Variants in KHDRBS2 observed in about 807,000 individuals in gnomAD.
The protein encoded by KHDRBS2 is KH domain-containing, RNA-binding, signal transduction-associated protein 2.
In KHDRBS2, 26 loss-of-function variants were observed where a neutral mutation model predicts 44.3. That is an observed-to-expected ratio of 0.59 (90% confidence interval 0.43 to 0.81). The LOEUF (loss-of-function observed/expected upper bound fraction) is 0.81. KHDRBS2 is among the 40% of genes least tolerant of loss of function. The probability of loss-of-function intolerance (pLI) is 0.00; values close to 1 mark genes in which losing one functional copy is unlikely to be tolerated. For missense variants in KHDRBS2, 476 were observed against 433.1 expected, an observed-to-expected ratio of 1.10 and a Z score of -0.88; for synonymous variants, 194 against 151.1, an observed-to-expected ratio of 1.28 and a Z score of -2.08.
chr6:61,923,443 A>G (rs1808413170), intron 4 of KHDRBS2, among the ~76,000 whole-genome samples: 1 of 151,974 alleles, frequency 6.6e-6, no homozygotes. Flanking sequence ...TGTAGTGGAT[A>G]CTTCAAATAA....
intron 4 of KHDRBS2, among the ~76,000 whole-genome samples, chr6:61,940,697 C>G (rs1446065222): frequency 6.6e-6 from 1 of 152,140 alleles, no homozygotes; most frequent in East Asian, 1.9e-4. Flanking sequence ...CCCAGTGATG[C>G]CAGGTCTGAG....
intron 1 of KHDRBS2, among the ~76,000 whole-genome samples, chr6:62,179,426 T>C (rs1821806945): frequency 6.6e-6 from 1 of 151,738 alleles, no homozygotes; most frequent in African/African-American, 2.4e-5. Context: ...AAAATCACTT[T>C]ATTCCAACCT....
intron 1 of KHDRBS2, among the ~76,000 whole-genome samples, chr6:62,261,923 G>C (rs1472926191): frequency 6.6e-6 from 1 of 151,678 alleles, no homozygotes; most frequent in Non-Finnish European, 1.5e-5. Flanking sequence ...ATACATGAGC[G>C]TATACCTGGT....
chr6:61,784,215 T>C lies in KHDRBS2; in HGVS notation c.811-51451A>G, dbSNP rs1240791669. On this transcript the variant is annotated intron_variant, in intron 6 of 8. Coordinates refer to ENST00000281156, the MANE Select transcript of KHDRBS2 (RefSeq NM_152688.4). ...ATATTCCTAAAAATTTTTAGTATTT[T>C]AGGAATCATAGACTCATGTTCTGAG... 2.6e-5 allele frequency among the ~76,000 whole-genome samples: 4 copies of C among 151,816 alleles called. No homozygotes were observed. In the East Asian group the frequency reaches 7.7e-4, roughly 29 times the overall value.
rs996765135 is a variant in KHDRBS2 at position 62,117,783 on chromosome 6, AT to A, written c.219+59401del. Among the ~76,000 whole-genome samples, 1,089 of 149,452 alleles carry A rather than the reference AT, an allele frequency of 7.3e-3. 15 individuals carry two copies. Among genetic ancestry groups the A allele is most frequent in the African/African-American group, 0.024 (999 of 40,858 alleles). ...TAAGCCATTTTGACTCAAATATTTT[AT>A]TTTTTTTTTGAGATGGAGTCTCGCT... On this transcript the variant is annotated intron_variant, in intron 2 of 8. Coordinates refer to ENST00000281156, the MANE Select transcript of KHDRBS2 (RefSeq NM_152688.4).
intron 8 of KHDRBS2, 124 bp from the exon 9 acceptor site, chr6:61,681,184 T>G (rs1482038143): frequency 1.1e-5 from 7 of 651,122 alleles, no homozygotes; most frequent in Non-Finnish European, 1.9e-5. Flanking sequence ...CGCTAAAGCC[T>G]ATTTTTTCCA....
chr6:61,732,065 C>A (rs1322351634), intron 7 of KHDRBS2, among the ~76,000 whole-genome samples: 1 of 151,968 alleles, frequency 6.6e-6, no homozygotes, highest in African/African-American at 2.4e-5. Context: ...GGTCATTACA[C>A]AGTAGTTTGC....
chr6:61,546,209 A>T, the KHDRBS2 span, among the ~76,000 whole-genome samples: 1 of 151,954 alleles, frequency 6.6e-6, no homozygotes, highest in South Asian at 2.1e-4. Flanking sequence ...TATCTATTAC[A>T]TTTCAAATTA....
intron 3 of KHDRBS2, among the ~76,000 whole-genome samples, chr6:62,029,982 A>T: frequency 6.6e-6 from 1 of 152,076 alleles, no homozygotes; most frequent in Non-Finnish European, 1.5e-5. Context: ...TTTCTATTAG[A>T]GGAAAAGACC....
At chr6:61,812,346 C>T (rs9453107) in intron 6 of KHDRBS2, among the ~76,000 whole-genome samples, 8,896 of 152,056 alleles carry the variant, frequency 0.059, 887 homozygotes, top group African/African-American at 0.2. Context: ...GTGCTTGTCA[C>T]ATGGTAGGTG....
At chr6:61,814,051 T>G in intron 6 of KHDRBS2, 1 of 455,926 alleles carries the variant, frequency 2.2e-6, no homozygotes, top group South Asian at 1.5e-5. Flanking sequence ...AGCAACATAT[T>G]TATTCATTTA....
intron 6 of KHDRBS2, among the ~76,000 whole-genome samples, chr6:61,811,085 A>G (rs1788043794): frequency 6.6e-6 from 1 of 152,058 alleles, no homozygotes. Context: ...GTACCCAATA[A>G]CAAGTGTTTC....
At chr6:62,239,717 G>A (rs187337363) in intron 1 of KHDRBS2, among the ~76,000 whole-genome samples, 141 of 152,166 alleles carry the variant, frequency 9.3e-4, no homozygotes, top group African/African-American at 3.1e-3. Context: ...ATGGAGCCTT[G>A]CTCTGTCACC....
chr6:61,777,463 A>T (rs570318173), intron 6 of KHDRBS2, among the ~76,000 whole-genome samples: 2 of 152,150 alleles, frequency 1.3e-5, no homozygotes, highest in African/African-American at 4.8e-5. Flanking sequence ...ACAGAGAAAG[A>T]GTAATGAACT....
intron 6 of KHDRBS2, among the ~76,000 whole-genome samples, chr6:61,857,796 G>T (rs184003805): frequency 6.6e-6 from 1 of 151,972 alleles, no homozygotes; most frequent in Non-Finnish European, 1.5e-5. Flanking sequence ...GCAACACCTT[G>T]AAATTACTGG....
At chr6:61,768,085 T>A (rs1310746956) in intron 6 of KHDRBS2, among the ~76,000 whole-genome samples, 6 of 152,178 alleles carry the variant, frequency 3.9e-5, no homozygotes, top group African/African-American at 1.2e-4. Context: ...TTCCTTCTTG[T>A]TTGAAGCATA....
intron 4 of KHDRBS2, among the ~76,000 whole-genome samples, chr6:61,919,819 C>T (rs1807707464): frequency 6.6e-6 from 1 of 151,860 alleles, no homozygotes; most frequent in East Asian, 1.9e-4. Flanking sequence ...AGAAGATCTG[C>T]TCTGTCTTTT....
At chr6:61,921,648 C>T (rs1266674206) in intron 4 of KHDRBS2, among the ~76,000 whole-genome samples, 1 of 151,936 alleles carries the variant, frequency 6.6e-6, no homozygotes, top group African/African-American at 2.4e-5. Context: ...TTGCTCCAAA[C>T]CAATGAGACA....
chr6:61,954,588 GTA>G (rs1383793536), intron 4 of KHDRBS2, among the ~76,000 whole-genome samples: 2 of 136,944 alleles, frequency 1.5e-5, no homozygotes, highest in South Asian at 2.2e-4. Flanking sequence ...ACATATTTAT[GTA>G]TATATACACA....
Sources: allele counts gnomAD v4.1 joint callset (sites outside exome capture counted in the v4.1 genomes callset), GRCh38; gene constraint gnomAD v4.1.1; transcripts MANE v1.5; gene names NCBI Gene and HGNC (gene_info 2026-07-23, HGNC 2026-07-21).